The following RYR2 variants were observed in gnomAD, a reference collection of about 807,000 sequenced individuals.
RYR2 encodes cardiac muscle ryanodine receptor-calcium release channel.
In RYR2, 227 loss-of-function variants were observed where a neutral mutation model predicts 601.1. The observed-to-expected ratio is 0.38, with a 90% confidence interval of 0.34 to 0.42. The LOEUF is 0.42. Among genes scored for constraint, RYR2 ranks in the 10% least tolerant of loss-of-function variants. The probability of loss-of-function intolerance (pLI) is 1.00; values close to 1 mark genes in which losing one functional copy is unlikely to be tolerated. For missense variants in RYR2, 4,646 were observed against 6,156.5 expected (o/e 0.75, Z 8.21); for synonymous variants, 2,223 against 2,175.1 (o/e 1.02, Z -0.61).
chr1:237,255,597 T>C (rs555887196), intron 1 of RYR2, among the ~76,000 whole-genome samples: 2 of 152,316 alleles, frequency 1.3e-5, no homozygotes, highest in Admixed American at 1.3e-4. Flanking sequence ...TTGCCATCAC[T>C]ACATATTAGA....
rs142828499 is a variant in RYR2, at chr1:237,730,494, A to G, written c.10935+138A>G. 387 of 497,386 alleles carry G rather than the reference A, an allele frequency of 7.8e-4. 4 individuals are homozygous for G. In the East Asian group the frequency reaches 0.011, roughly 14 times the overall value. The allele number at this position is 497,386 out of a possible 1,614,324, so 30.8% of individuals were successfully genotyped here. A position where few individuals can be genotyped will look rare whatever the true frequency, so the allele number is the denominator to read the frequency against. On this transcript the variant is annotated intron_variant, in intron 77 of 104. Coordinates refer to ENST00000366574, the MANE Select transcript of RYR2 (RefSeq NM_001035.3). The stretch of plus-strand genomic sequence containing the variant: ...GGTATTAGGAAACTTTTAAATCTTA[A>G]TTGTTACTGCATTCAATGCTTATGG...
intron 84 of RYR2, among the ~76,000 whole-genome samples, chr1:237,766,860 G>C (rs569443705): frequency 2.6e-5 from 4 of 152,126 alleles, no homozygotes; most frequent in Non-Finnish European, 5.9e-5. Context: ...CTTGGCATCG[G>C]AAATAGGAAT....
rs775650063 is a variant in RYR2, at chr1:237,660,090, T to C, written c.8298+16T>C. Reference sequence around the variant, plus strand: ...GTCTGAAAAGGTAAGGATTTTTTGTTTGTTTTAGTTTGTAAAGTTTTTATT... The same window carrying C: ...GTCTGAAAAGGTAAGGATTTTTTGTCTGTTTTAGTTTGTAAAGTTTTTATT... On this transcript the variant is annotated intron_variant, in intron 55 of 104. Coordinates refer to ENST00000366574, the MANE Select transcript of RYR2 (RefSeq NM_001035.3). 5 of 1,401,070 alleles carry C rather than the reference T, an allele frequency of 3.6e-6. No individual in the cohort carries two copies. The African/African-American group carries it at 5.9e-5, about 17-fold the overall frequency. 86.8% of individuals were successfully genotyped at this position (1,401,070 alleles called of 1,614,324 possible). A position where few individuals can be genotyped will look rare whatever the true frequency, so the allele number is the denominator to read the frequency against.
intron 62 of RYR2, among the ~76,000 whole-genome samples, chr1:237,683,699 T>A (rs1321033631): frequency 6.6e-6 from 1 of 152,146 alleles, no homozygotes. Flanking sequence ...TTTTTTAACC[T>A]AATTCATTAA....
intron 24 of RYR2, among the ~76,000 whole-genome samples, chr1:237,521,529 G>T (rs995918011): frequency 2.7e-5 from 4 of 149,974 alleles, no homozygotes; most frequent in Non-Finnish European, 1.5e-5. Context: ...AGAGCAGCCT[G>T]GCCAACATGG....
chr1:237,219,008 T>G (rs1469824974), intron 1 of RYR2, among the ~76,000 whole-genome samples: 2 of 132,958 alleles, frequency 1.5e-5, no homozygotes, highest in African/African-American at 5.3e-5. Context: ...TCCTTATACT[T>G]GATTTTTTTT....
At chr1:237,640,842 A>T (rs1558120494) in intron 46 of RYR2, 55 bp from the exon 47 acceptor site, 12 of 1,395,226 alleles carry the variant, frequency 8.6e-6, no homozygotes, top group Non-Finnish European at 9.0e-6. Flanking sequence ...TGTAATAAAC[A>T]TGAAATGTCA....
At chr1:237,317,502 A>G (rs1695224381) in intron 2 of RYR2, among the ~76,000 whole-genome samples, 1 of 152,146 alleles carries the variant, frequency 6.6e-6, no homozygotes, top group Admixed American at 6.5e-5. Flanking sequence ...TTATTAGTAT[A>G]TAGGATAGCT....
intron 39 of RYR2, 66 bp from the exon 40 acceptor site, chr1:237,625,595 T>C (rs1361190230): frequency 2.0e-6 from 3 of 1,509,284 alleles, no homozygotes; most frequent in Admixed American, 3.8e-5. Context: ...TTACAAGGCC[T>C]CAGAATTATT....
intron 34 of RYR2, among the ~76,000 whole-genome samples, chr1:237,600,206 T>C: frequency 6.6e-6 from 1 of 151,906 alleles, no homozygotes; most frequent in East Asian, 1.9e-4. Flanking sequence ...ACCAAAACAC[T>C]ACCTGACTTG....
At chr1:237,325,376 G>A (rs1220079446) in intron 2 of RYR2, among the ~76,000 whole-genome samples, 1 of 152,160 alleles carries the variant, frequency 6.6e-6, no homozygotes, top group Non-Finnish European at 1.5e-5. Context: ...CATAGCATAT[G>A]TATACATGTA....
In RYR2 at chr1:237,204,967, C is replaced by A. The variant is rs147204402; in HGVS notation, c.49-65530C>A. Among the ~76,000 whole-genome samples, 115 of 152,244 alleles carry A rather than the reference C, an allele frequency of 7.6e-4. 2 individuals are homozygous for A. Among genetic ancestry groups the A allele is most frequent in the African/African-American group, 2.5e-3 (104 of 41,540 alleles). ...AAGGAAACTAAATCAGGGTAATGAG[C>A]CTCAGCAGGGACGGGCCTCCCCACT... is the stretch of plus-strand genomic sequence containing the variant. On this transcript the variant is annotated intron_variant, in intron 1 of 104. Transcript: ENST00000366574.
At chr1:237,098,986 A>T (rs1364937111) in intron 1 of RYR2, among the ~76,000 whole-genome samples, 2 of 152,182 alleles carry the variant, frequency 1.3e-5, no homozygotes, top group Non-Finnish European at 2.9e-5. Flanking sequence ...CACAAGTACA[A>T]TGAGGAGGGC....
Position 237,475,906 on chromosome 1 carries a change from C to T in RYR2, c.1708+6719C>T, listed in dbSNP as rs114319411. Among the ~76,000 whole-genome samples the T allele has an allele frequency of 2.3e-3, 290 of 127,564 alleles. 1 individual carries two copies. The highest frequency in any genetic ancestry group is 7.3e-3 in the African/African-American group (281 of 38,502). 83.7% of individuals were successfully genotyped at this position (127,564 alleles called of 152,430 possible). ...TGTGTCTAGTGATTATGTCGCTGGG[C>T]CAAAGTTAATTGAAAAGACAAAGAT... On this transcript the variant is annotated intron_variant, in intron 17 of 104. Coordinates refer to ENST00000366574, the MANE Select transcript of RYR2 (RefSeq NM_001035.3).
intron 1 of RYR2, among the ~76,000 whole-genome samples, chr1:237,161,011 AATC>A (rs1324386825): frequency 6.6e-6 from 1 of 152,184 alleles, no homozygotes; most frequent in Non-Finnish European, 1.5e-5. Flanking sequence ...GAATTTAAGA[AATC>A]ATATATTTTA....
rs796427930 is a variant in RYR2 at position 237,800,202 on chromosome 1, AC to A, written c.14091-1653del. The A allele has an allele frequency of 1.4e-4, 21 of 152,354 alleles. 1 individual carries two copies. Among genetic ancestry groups the A allele is most frequent in the African/African-American group, 5.0e-4 (21 of 41,596 alleles). The allele number at this position is 152,354 out of a possible 1,614,324, so 9.4% of individuals were successfully genotyped here. On this transcript the variant is annotated intron_variant, in intron 97 of 104. Coordinates refer to ENST00000366574, the MANE Select transcript of RYR2 (RefSeq NM_001035.3). ...TAAGAAACCACCATAGGAAATTCAT[AC>A]ATCCTGATATAAACCATTATTCTGT...
In RYR2 at chr1:237,792,139, T is replaced by C. The variant is rs761272973; in HGVS notation, c.13598T>C (p.Leu4533Pro). The C allele has an allele frequency of 1.2e-6, 2 of 1,606,418 alleles. No individual in the cohort carries two copies. The highest frequency in any genetic ancestry group is 1.7e-6 in the Non-Finnish European group (2 of 1,176,384). The change falls in exon 94 of 105, where the codon CTC (leucine) becomes CCC (proline). Residue 4533 changes from leucine (L) to proline (P), a missense_variant. Coordinates refer to ENST00000366574, the MANE Select transcript of RYR2 (RefSeq NM_001035.3). ...STSSVVEGKE[L>P]PTRSSSENAK... ...TCTTCTGTGGTTGAAGGAAAGGAGC[T>C]CCCCACGAGAAGTTCAAGTGAAAAT...
intron 38 of RYR2, among the ~76,000 whole-genome samples, chr1:237,621,872 T>G (rs975809520): frequency 6.6e-6 from 1 of 152,132 alleles, no homozygotes; most frequent in Non-Finnish European, 1.5e-5. Flanking sequence ...TTGCCACGAC[T>G]TAAGGATGAG....
intron 79 of RYR2, among the ~76,000 whole-genome samples, chr1:237,739,826 C>T (rs1205569639): frequency 2.0e-5 from 3 of 152,188 alleles, no homozygotes; most frequent in Non-Finnish European, 4.4e-5. Flanking sequence ...AAATATACTT[C>T]TGTGGCAGAA....
Sources: gnomAD v4.1 joint callset for allele counts (sites outside exome capture counted in the v4.1 genomes callset) on GRCh38, gnomAD v4.1.1 for gene constraint, MANE v1.5 for transcripts, NCBI Gene and HGNC (gene_info 2026-07-23, HGNC 2026-07-21) for gene names.